Variants in SP100 observed in about 807,000 individuals in gnomAD.
SP100 encodes SP100 nuclear body protein.
SP100 carries 84 observed loss-of-function variants against 130.0 expected under a neutral mutation model. The ratio of observed to expected loss-of-function variants is 0.65; its 90% CI spans 0.54 to 0.77. The LOEUF is 0.77. SP100 is among the 30% of genes least tolerant of loss of function. The pLI is 0.00. For missense variants in SP100, 978 were observed against 1,052.2 expected (o/e 0.93, Z 0.97); for synonymous variants, 331 against 351.7 (o/e 0.94, Z 0.66).
At chr2:230,442,789 A>T in intron 2 of SP100, 148 bp from the exon 3 acceptor site, 1 of 645,360 alleles carries the variant, frequency 1.5e-6, no homozygotes, top group Non-Finnish European at 2.7e-6. Flanking sequence ...TGTTGCTTCA[A>T]TTGCATTTAT....
chr2:230,504,478 A>C (rs1258544554), intron 21 of SP100, among the ~76,000 whole-genome samples, 188 bp downstream of exon 21: 1 of 152,224 alleles, frequency 6.6e-6, no homozygotes, highest in African/African-American at 2.4e-5. Context: ...AGAAGCATGC[A>C]AAACATACCA....
intron 24 of SP100, among the ~76,000 whole-genome samples, chr2:230,524,985 G>T (rs1691354458): frequency 6.6e-6 from 1 of 152,086 alleles, no homozygotes. Flanking sequence ...GGCTTGAAAA[G>T]GTTATTTATG....
At chr2:230,464,014 T>A in intron 10 of SP100, 53 bp from the exon 11 acceptor site, 1 of 1,234,254 alleles carries the variant, frequency 8.1e-7, no homozygotes, top group Non-Finnish European at 1.2e-6. Context: ...CCTACTGAAC[T>A]GATTCCTTGG....
At chr2:230,519,094 C>G (rs1357642762) in intron 24 of SP100, among the ~76,000 whole-genome samples, 1 of 152,174 alleles carries the variant, frequency 6.6e-6, no homozygotes, top group Non-Finnish European at 1.5e-5. Context: ...GACTGAAGCC[C>G]TTAATGAGTG....
chr2:230,425,033 G>A (rs1185694935), intron 2 of SP100, among the ~76,000 whole-genome samples: 1 of 152,204 alleles, frequency 6.6e-6, no homozygotes, highest in Non-Finnish European at 1.5e-5. Flanking sequence ...AGGTATAATT[G>A]TATAAATTGA....
At chr2:230,485,397 G>A (rs1024749705) in intron 17 of SP100, among the ~76,000 whole-genome samples, 3 of 152,028 alleles carry the variant, frequency 2.0e-5, no homozygotes, top group African/African-American at 7.2e-5. Context: ...AGAGAGGGTG[G>A]GGAAAATGTG....
chr2:230,418,010 T>C (rs1046181598), intron 2 of SP100, among the ~76,000 whole-genome samples: 3 of 152,092 alleles, frequency 2.0e-5, no homozygotes, highest in Non-Finnish European at 4.4e-5. Flanking sequence ...TGACACCCTC[T>C]GTGAGCACTC....
At chr2:230,524,200 A>AAAAAAAAAT (rs1294898811) in intron 24 of SP100, among the ~76,000 whole-genome samples, 1 of 148,350 alleles carries the variant, frequency 6.7e-6, no homozygotes, top group Non-Finnish European at 1.5e-5. Flanking sequence ...AAAAAAAAAA[A>AAAAAAAAAT]AGAAAATTAG....
At chr2:230,460,525 G>C (rs1015040952) in intron 8 of SP100, among the ~76,000 whole-genome samples, 4 of 150,440 alleles carry the variant, frequency 2.7e-5, no homozygotes, top group Non-Finnish European at 5.9e-5. Context: ...TTGTCTTTGA[G>C]CAAGTTAGTG....
At chr2:230,472,448 A>AAAAAAAC (rs2065319009) in intron 15 of SP100, among the ~76,000 whole-genome samples, 1 of 150,018 alleles carries the variant, frequency 6.7e-6, no homozygotes, top group Non-Finnish European at 1.5e-5. Flanking sequence ...AAAAAAAAAA[A>AAAAAAAC]AAAAGTCAAG....
chr2:230,482,019 C>T (rs1283678467), intron 17 of SP100, among the ~76,000 whole-genome samples: 1 of 152,138 alleles, frequency 6.6e-6, no homozygotes, highest in Non-Finnish European at 1.5e-5. Flanking sequence ...AGGTTAGTTA[C>T]ATATGTATAC....
At chr2:230,421,196 C>T (rs902987481) in intron 2 of SP100, among the ~76,000 whole-genome samples, 2 of 152,054 alleles carry the variant, frequency 1.3e-5, no homozygotes, top group African/African-American at 4.8e-5. Context: ...TTTTGTGTGT[C>T]CTCATTATGA....
chr2:230,422,922 A>G (rs1370637626), intron 2 of SP100, among the ~76,000 whole-genome samples: 1 of 152,216 alleles, frequency 6.6e-6, no homozygotes, highest in Non-Finnish European at 1.5e-5. Context: ...TTTGTGACCT[A>G]CAATTTTCAT....
intron 26 of SP100, 49 bp from the exon 27 acceptor site, chr2:230,541,252 C>A (rs768448452): frequency 3.2e-6 from 5 of 1,555,880 alleles, no homozygotes; most frequent in Middle Eastern, 1.7e-4. Flanking sequence ...CATATGAGCT[C>A]TTTCTCTCTA....
chr2:230,436,913 T>TGTGTATACACACAA (rs1365834673), intron 2 of SP100, among the ~76,000 whole-genome samples: 3 of 147,790 alleles, frequency 2.0e-5, no homozygotes, highest in African/African-American at 5.2e-5. Flanking sequence ...CACGCATATA[T>TGTGTATACACACAA]GTGTATACAC....
intron 24 of SP100, among the ~76,000 whole-genome samples, chr2:230,525,890 A>G (rs76824756): frequency 6.6e-6 from 1 of 152,232 alleles, no homozygotes; most frequent in Non-Finnish European, 1.5e-5. Flanking sequence ...CACTGTAAAC[A>G]AAAAGGCAGG....
chr2:230,462,878 G>A (rs772370040), intron 10 of SP100, among the ~76,000 whole-genome samples: 37 of 152,158 alleles, frequency 2.4e-4, no homozygotes, highest in Non-Finnish European at 4.7e-4. Flanking sequence ...ATAGAGAACA[G>A]AAAACTAAAT....
chr2:230,542,126 C>T, intron 28 of SP100, 91 bp downstream of exon 28: 1 of 1,376,142 alleles, frequency 7.3e-7, no homozygotes, highest in Non-Finnish European at 1.0e-6. Flanking sequence ...GTAAATGTTA[C>T]AATCGCCCTT....
chr2:230,518,733 C>A (rs7570691), intron 24 of SP100, among the ~76,000 whole-genome samples: 1 of 151,780 alleles, frequency 6.6e-6, no homozygotes, highest in Non-Finnish European at 1.5e-5. Flanking sequence ...TTCCTGTCAA[C>A]CAATTTTATA....
Sources: gnomAD v4.1 joint callset for allele counts (sites outside exome capture counted in the v4.1 genomes callset) on GRCh38, gnomAD v4.1.1 for gene constraint, MANE v1.5 for transcripts, NCBI Gene and HGNC (gene_info 2026-07-23, HGNC 2026-07-21) for gene names.